PCDH11X: variants seen among roughly 807,000 people sequenced by gnomAD.
The protein encoded by PCDH11X is protocadherin-11 X-linked.
Under a neutral mutation model 53.3 loss-of-function variants are expected in PCDH11X, and 18 were observed. The observed-to-expected ratio is 0.34, with a 90% confidence interval of 0.23 to 0.50. The LOEUF is 0.50. Ranked by LOEUF, PCDH11X falls within the 20% of genes least tolerant of loss-of-function variation. The pLI is 0.98. For synonymous variants in PCDH11X, 279 were observed against 393.3 expected (o/e 0.71, Z 3.44); for missense variants, 570 against 1,032.4 (o/e 0.55, Z 6.14).
chrX:91,910,488 A>T (rs1378506916), intron 6 of PCDH11X, among the ~76,000 whole-genome samples: 8 of 111,945 alleles, frequency 7.1e-5, no homozygotes, highest in African/African-American at 2.6e-4. Context: ...AAATATTCAC[A>T]AAAACAAAAA....
At chrX:91,919,579 C>A (rs1314070567) in intron 6 of PCDH11X, among the ~76,000 whole-genome samples, 1 of 110,949 alleles carries the variant, frequency 9.0e-6, no homozygotes, top group Non-Finnish European at 1.9e-5. Flanking sequence ...GTTTTCAATG[C>A]ACTTTTCACT....
At chrX:92,188,679 G>T (rs1219075872) in intron 6 of PCDH11X, among the ~76,000 whole-genome samples, 4 of 111,595 alleles carry the variant, frequency 3.6e-5, no homozygotes, top group African/African-American at 9.8e-5. Flanking sequence ...AAACACAAAA[G>T]AATTCTGAGA....
intron 8 of PCDH11X, among the ~76,000 whole-genome samples, chrX:92,332,730 CAGCAGCAGCAGCAAT>C (rs1255392198): frequency 9.0e-6 from 1 of 111,555 alleles, no homozygotes; most frequent in African/African-American, 3.3e-5. Context: ...ACAGCAGCAG[CAGCAGCAGCAGCAAT>C]AGCAGCAGCA....
chrX:92,205,936 T>C (rs1036244941), intron 7 of PCDH11X, among the ~76,000 whole-genome samples: 3 of 112,055 alleles, frequency 2.7e-5, no homozygotes, highest in African/African-American at 9.7e-5. Flanking sequence ...CAAGTAGTTA[T>C]TTCTGACTGT....
chrX:92,100,106 T>A (rs1217708661), intron 6 of PCDH11X, among the ~76,000 whole-genome samples: 1 of 112,065 alleles, frequency 8.9e-6, no homozygotes. Flanking sequence ...GGTTTTTAAT[T>A]TTTTAAATTT....
chrX:92,016,574 C>G (rs921562637), intron 6 of PCDH11X, among the ~76,000 whole-genome samples: 2 of 87,532 alleles, frequency 2.3e-5, no homozygotes, highest in Admixed American at 1.5e-4. Flanking sequence ...TCATGACCAA[C>G]CTCTGCTAAC....
intron 10 of PCDH11X, among the ~76,000 whole-genome samples, chrX:92,472,502 C>CTGGTTACTA (rs1410817892): frequency 9.5e-6 from 1 of 104,933 alleles, no homozygotes; most frequent in African/African-American, 3.5e-5. Context: ...CCATGCCATT[C>CTGGTTACTA]TGGTTACTAT....
chrX:92,464,962 G>A (rs1052258615), intron 9 of PCDH11X, among the ~76,000 whole-genome samples: 3 of 111,227 alleles, frequency 2.7e-5, no homozygotes, highest in African/African-American at 9.8e-5. Context: ...ATAAGAAAAT[G>A]AGAAACTTGT....
At chrX:92,149,487 GTA>G (rs201866727) in intron 6 of PCDH11X, among the ~76,000 whole-genome samples, 21,824 of 102,545 alleles carry the variant, frequency 0.21, 2,794 homozygotes, top group East Asian at 0.87. Flanking sequence ...ATGTGTGTGT[GTA>G]TATATATATA....
At chrX:92,080,704 T>C (rs968164554) in intron 6 of PCDH11X, among the ~76,000 whole-genome samples, 2 of 109,696 alleles carry the variant, frequency 1.8e-5, no homozygotes, top group African/African-American at 6.7e-5. Context: ...GTTTTTTCAA[T>C]ACAAGTTTTA....
Position 92,575,911 on chromosome X carries a change from A to G in PCDH11X, c.3368-42353A>G, listed in dbSNP as rs868738491. On this transcript the variant is annotated intron_variant, in intron 10 of 10. Coordinates refer to ENST00000682573, the MANE Select transcript of PCDH11X (RefSeq NM_032968.5). Reference sequence around the variant, plus strand: ...TTTGTAGGTTACCTGGTGTGTATATATATATATATATATATATATATATAT... The same window carrying G: ...TTTGTAGGTTACCTGGTGTGTATATGTATATATATATATATATATATATAT... Among the ~76,000 whole-genome samples, 96 of 24,093 alleles carry G rather than the reference A, an allele frequency of 4.0e-3. 1 individual carries two copies. Among genetic ancestry groups the G allele is most frequent in the African/African-American group, 0.011 (54 of 4,767 alleles). The allele number at this position is 24,093 out of a possible 115,157, so 20.9% of individuals were successfully genotyped here.
intron 9 of PCDH11X, among the ~76,000 whole-genome samples, chrX:92,446,559 A>G (rs1349826927): frequency 1.8e-5 from 2 of 111,211 alleles, no homozygotes; most frequent in African/African-American, 3.3e-5. Context: ...TGCCATCCCT[A>G]TAAGATGTGA....
At chrX:92,259,568 A>G (rs1236478261) in intron 7 of PCDH11X, among the ~76,000 whole-genome samples, 2 of 111,703 alleles carry the variant, frequency 1.8e-5, no homozygotes. Flanking sequence ...CAAGAACGCC[A>G]TTTCCATGAT....
chrX:91,976,552 C>G lies in PCDH11X; in HGVS notation c.3033+97279C>G, dbSNP rs1050175890. ...TCTTCACAAAAGAGAGATCTGAACA[C>G]AGAGGTTAAATGTCTTGCACAGCAA... On this transcript the variant is annotated intron_variant, in intron 6 of 10. Transcript: ENST00000682573. Among the ~76,000 whole-genome samples the G allele has an allele frequency of 2.7e-5, 3 of 111,569 alleles. No individual in the cohort carries two copies. The Admixed American group carries it at 2.9e-4, about 11-fold the overall frequency.
chrX:91,827,730 C>G (rs186262957), intron 4 of PCDH11X, among the ~76,000 whole-genome samples: 1 of 111,669 alleles, frequency 9.0e-6, no homozygotes, highest in Admixed American at 9.5e-5. Context: ...TGCTTGTTTT[C>G]TTCAGCTTTG....
At chrX:91,831,964 T>C (rs1400659380) in intron 4 of PCDH11X, among the ~76,000 whole-genome samples, 7 of 108,134 alleles carry the variant, frequency 6.5e-5, no homozygotes, top group Non-Finnish European at 1.1e-4. Flanking sequence ...ACTTAAGCTT[T>C]AGAAATGGTA....
intron 9 of PCDH11X, among the ~76,000 whole-genome samples, chrX:92,441,604 A>G (rs1171058718): frequency 8.9e-6 from 1 of 112,427 alleles, no homozygotes; most frequent in Non-Finnish European, 1.9e-5. Context: ...CACAGAAGTC[A>G]GTAAGTGAGG....
At chrX:92,334,949 A>G (rs1419070148) in intron 8 of PCDH11X, among the ~76,000 whole-genome samples, 1 of 109,678 alleles carries the variant, frequency 9.1e-6, no homozygotes, top group Non-Finnish European at 1.9e-5. Flanking sequence ...GTTTTGGGGG[A>G]GTCAAAAGTT....
chrX:92,277,101 G>T (rs966167636), intron 8 of PCDH11X, among the ~76,000 whole-genome samples: 1 of 110,178 alleles, frequency 9.1e-6, no homozygotes, highest in Non-Finnish European at 1.9e-5. Flanking sequence ...GCGAGGAGGG[G>T]AGAGGTCAGA....
Sources: gnomAD v4.1 joint callset for allele counts (sites outside exome capture counted in the v4.1 genomes callset) on GRCh38, gnomAD v4.1.1 for gene constraint, MANE v1.5 for transcripts, NCBI Gene and HGNC (gene_info 2026-07-23, HGNC 2026-07-21) for gene names.